NCAPD2: variants seen among roughly 807,000 people sequenced by gnomAD.
The protein encoded by NCAPD2 is non-SMC condensin I complex subunit D2, also known as condensin complex subunit 1.
NCAPD2 carries 100 observed loss-of-function variants against 164.5 expected under a neutral mutation model. That is an observed-to-expected ratio of 0.61 (90% CI 0.52 to 0.72). NCAPD2 has a LOEUF of 0.72. NCAPD2 is among the 30% of genes least tolerant of loss of function. The probability of loss-of-function intolerance (pLI) is 0.00; values close to 1 mark genes in which losing one functional copy is unlikely to be tolerated. For missense variants in NCAPD2, 1,560 were observed against 1,749.2 expected (o/e 0.89, Z 1.93); for synonymous variants, 585 against 642.6 (o/e 0.91, Z 1.36).
Position 6,521,757 on chromosome 12 carries a change from C to T in NCAPD2, c.1715-41C>T, listed in dbSNP as rs555237175. 1.5e-4 allele frequency: 239 copies of T among 1,601,712 alleles called. 4 individuals are homozygous for T. The South Asian group carries it at 2.5e-3, about 17-fold the overall frequency. On this transcript the variant is annotated intron_variant, in intron 14 of 31. Coordinates refer to ENST00000315579, the MANE Select transcript of NCAPD2 (RefSeq NM_014865.4). ...TGACAGCTGTTGGATTCCCCTGTAT[C>T]CCCTTGAACGAAACCATCCTGTACT...
rs117874169 is a variant in NCAPD2, at chr12:6,502,041, C to T, written c.127+6816C>T. Among the ~76,000 whole-genome samples the T allele has an allele frequency of 1.7e-3, 257 of 152,180 alleles. 3 individuals carry two copies. Among genetic ancestry groups the T allele is most frequent in the Admixed American group, 0.013 (197 of 15,262 alleles). ...AATGTATTTCTTTTAAGATGGGCAGCATTATGTGTGTCTATATTGAGTAGG... is the reference window on the plus strand; with the variant it reads ...AATGTATTTCTTTTAAGATGGGCAGTATTATGTGTGTCTATATTGAGTAGG... On this transcript the variant is annotated intron_variant, in intron 2 of 31. Transcript: ENST00000315579.
At position 6,526,149 on chromosome 12, in the gene NCAPD2, G is replaced by C. The variant is rs560070593; in HGVS notation, c.2430G>C (p.Arg810Ser). The C allele has an allele frequency of 4.4e-5, 71 of 1,614,182 alleles. No individual in the cohort carries two copies. In the South Asian group the frequency reaches 4.9e-4, roughly 11 times the overall value. Residue 810 changes from arginine to serine, a missense_variant, in exon 19 of 32, where the codon AGG becomes AGC. By Grantham distance (110) the Arg-to-Ser change is moderately radical. Coordinates refer to ENST00000315579, the MANE Select transcript of NCAPD2 (RefSeq NM_014865.4). Reference protein sequence around the residue: ...GLDEKFPQDYRLAQQVCHAIA... With the variant: ...GLDEKFPQDYSLAQQVCHAIA... ...ATGAGAAGTTTCCACAGGACTACAG[G>C]CTGGCCCAGCAGGTGTGCCATGCCA...
intron 2 of NCAPD2, among the ~76,000 whole-genome samples, chr12:6,500,728 G>A (rs1179100447): frequency 1.3e-5 from 2 of 152,274 alleles, no homozygotes; most frequent in South Asian, 2.1e-4. Context: ...CTAGAGCCTC[G>A]TAGATCATGG....
intron 5 of NCAPD2, 21 bp downstream of exon 5, chr12:6,510,831 C>T: frequency 6.2e-7 from 1 of 1,612,860 alleles, no homozygotes; most frequent in Non-Finnish European, 8.5e-7. Flanking sequence ...GTTTTGGGCT[C>T]ACGTTATATG....
rs748279493 is a variant in NCAPD2 at position 6,516,888 on chromosome 12, A to C, written c.1048A>C (p.Ser350Arg). 3.1e-6 allele frequency: 5 copies of C among 1,614,160 alleles called. No individual in the cohort carries two copies. Among genetic ancestry groups the C allele is most frequent in the Non-Finnish European group, 4.2e-6 (5 of 1,180,024 alleles). ...GGCGGAGATGGTGCTGCAGGTTCTC[A>C]GTGGCGATCAACTGGAAGCAGCAGC... is the stretch of plus-strand genomic sequence containing the variant. ...AMAEMVLQVLSGDQLEAAARD... is the reference protein window; with the variant it reads ...AMAEMVLQVLRGDQLEAAARD... The change falls in exon 10 of 32, where the codon AGT becomes CGT. Residue 350 changes from serine (S) to arginine (R), a missense_variant. Ser to Arg is a moderately radical substitution (Grantham distance 110, BLOSUM62 -1). Transcript: ENST00000315579.
chr12:6,513,226 G>C (rs1946167803), intron 6 of NCAPD2, among the ~76,000 whole-genome samples: 1 of 152,140 alleles, frequency 6.6e-6, no homozygotes, highest in South Asian at 2.1e-4. Flanking sequence ...CCAAGGACTG[G>C]TACCCTAGGG....
chr12:6,521,020 C>T lies in NCAPD2; in HGVS notation c.1624C>T (p.His542Tyr). ...AIILTREATG[H>Y]FQESEPFSHI... ...CATTCTCACTCGAGAAGCCACAGGC[C>T]ACTTCCAGGAGTCCGAACCCTTCAG... The change falls in exon 14 of 32, where the codon CAC becomes TAC. Residue 542 changes from histidine (H) to tyrosine (Y), a missense_variant. By Grantham distance (83) the His-to-Tyr change is moderately conservative (BLOSUM62 2). Coordinates refer to ENST00000315579, the MANE Select transcript of NCAPD2 (RefSeq NM_014865.4). The T allele has an allele frequency of 3.1e-6, 5 of 1,614,120 alleles. No homozygotes were observed. The highest frequency in any genetic ancestry group is 1.3e-5 in the African/African-American group (1 of 75,038).
rs763847471 is a variant in NCAPD2 at position 6,517,007 on chromosome 12, C to G, written c.1167C>G (p.Thr389=). Reference sequence around the variant, plus strand: ...GGAGCCGTGTTTTGCAGCTCTTCACCCGAATTGTCCAGCAGAAGGTAACCA... The same window carrying G: ...GGAGCCGTGTTTTGCAGCTCTTCACGCGAATTGTCCAGCAGAAGGTAACCA... ...FVRSRVLQLF[T]RIVQQKALPL... The change falls in exon 10 of 32, where the codon ACC becomes ACG. Residue 389 remains threonine (T), a synonymous_variant. Transcript: ENST00000315579. 6.2e-7 allele frequency: 1 copy of G among 1,614,040 alleles called. No individual in the cohort carries two copies. The highest frequency in any genetic ancestry group is 8.5e-7 in the Non-Finnish European group (1 of 1,179,998).
In NCAPD2 at chr12:6,522,900, G is replaced by A. The variant is rs1329315235; in HGVS notation, c.2027G>A (p.Arg676His). ...GTACCCCAGGCCCTGTTTGGGGTGCGCCGTATGCTGCCTCTCATCTGGTCT... is the reference window on the plus strand; with the variant it reads ...GTACCCCAGGCCCTGTTTGGGGTGCACCGTATGCTGCCTCTCATCTGGTCT... ...FGVPQALFGV[R>H]RMLPLIWSKE... The change falls in exon 16 of 32, where the codon CGC becomes CAC. Residue 676 changes from arginine (R) to histidine (H), a missense_variant. Physicochemically the swap from Arg to His is conservative, Grantham distance 29 (BLOSUM62 0). Coordinates refer to ENST00000315579, the MANE Select transcript of NCAPD2 (RefSeq NM_014865.4). 26 of 1,614,012 alleles carry A rather than the reference G, an allele frequency of 1.6e-5. No homozygotes were observed. Among genetic ancestry groups the A allele is most frequent in the Middle Eastern group, 1.6e-4 (1 of 6,084 alleles).
intron 2 of NCAPD2, among the ~76,000 whole-genome samples, chr12:6,503,900 C>T (rs1348914925): frequency 1.3e-5 from 2 of 151,744 alleles, no homozygotes; most frequent in Non-Finnish European, 1.5e-5. Context: ...ATTGCTTGAA[C>T]CCAGGAGGCA....
chr12:6,518,504 G>GTTTTTTTTTTTTTTTGTTTTTTTTTTTTT (rs1946227130), intron 13 of NCAPD2, among the ~76,000 whole-genome samples: 2 of 44,774 alleles, frequency 4.5e-5, no homozygotes, highest in African/African-American at 2.0e-4. Flanking sequence ...CCGTCAACAA[G>GTTTTTTTTTTTTTTTGTTTTTTTTTTTTT]TTTTTTTTTT....
At chr12:6,529,651 G>A (rs1378059589) in intron 28 of NCAPD2, 58 bp downstream of exon 28, 3 of 1,605,090 alleles carry the variant, frequency 1.9e-6, no homozygotes, top group East Asian at 2.2e-5. Flanking sequence ...GGGGAGAAAG[G>A]CCCATCCCTC....
In NCAPD2 at chr12:6,528,932, C is replaced by G. The variant is rs764616277; in HGVS notation, c.3478-13C>G. On this transcript the variant is annotated splice_polypyrimidine_tract_variant and intron_variant, in intron 26 of 31. Coordinates refer to ENST00000315579, the MANE Select transcript of NCAPD2 (RefSeq NM_014865.4). The surrounding 1 kb of genome is among the most constrained non-coding windows in gnomAD (Gnocchi z 5.1). ...CACCTCATCTCCTTAACATGGCTCT[C>G]TCTGTCTTACAGGGCAACGCAATCT... 8.7e-5 allele frequency: 141 copies of G among 1,613,948 alleles called. No homozygotes were observed. Among genetic ancestry groups the G allele is most frequent in the Non-Finnish European group, 1.1e-4 (126 of 1,179,934 alleles).
rs1204547935 is a variant in NCAPD2, at chr12:6,531,302, C to G, written c.4121-25C>G. On this transcript the variant is annotated intron_variant, in intron 31 of 31. Transcript: ENST00000315579. This position sits in a 1 kb window ranked among gnomAD's most constrained non-coding sequence, Gnocchi z 4.1. Reference sequence around the variant, plus strand: ...CACCATCTTTGTGACTCAGCTTTTTCTTATTCCTTTAATTCTTTGCATAGA... The same window carrying G: ...CACCATCTTTGTGACTCAGCTTTTTGTTATTCCTTTAATTCTTTGCATAGA... 2 of 1,605,476 alleles carry G rather than the reference C, an allele frequency of 1.2e-6. No homozygotes were observed. The highest frequency in any genetic ancestry group is 2.7e-5 in the African/African-American group (2 of 74,494).
Position 6,511,200 on chromosome 12 carries a change from T to G in NCAPD2, c.535T>G (p.Leu179Val). The G allele has an allele frequency of 1.9e-6, 3 of 1,614,248 alleles. No individual in the cohort carries two copies. Among genetic ancestry groups the G allele is most frequent in the East Asian group, 2.2e-5 (1 of 44,886 alleles). ...TCAGCTTTTAACACAGCTACTTCAG[T>G]TGGACATCCGTCACCTGTGGAACCA... ...ILQLLTQLLQ[L>V]DIRHLWNHSI... Residue 179 changes from leucine to valine, a missense_variant, in exon 6 of 32, where the codon TTG (leucine) becomes GTG (valine). Leu to Val is a conservative substitution (Grantham distance 32). Coordinates refer to ENST00000315579, the MANE Select transcript of NCAPD2 (RefSeq NM_014865.4).
chr12:6,511,168 C>G lies in NCAPD2; in HGVS notation c.503C>G (p.Pro168Arg). ...HGFDWEEERQPILQLLTQLLQ... is the reference protein window; with the variant it reads ...HGFDWEEERQRILQLLTQLLQ... Reference sequence around the variant, plus strand: ...TTTGACTGGGAAGAAGAGAGGCAACCAATTCTTCAGCTTTTAACACAGCTA... The same window carrying G: ...TTTGACTGGGAAGAAGAGAGGCAACGAATTCTTCAGCTTTTAACACAGCTA... Residue 168 changes from proline (P) to arginine (R), a missense_variant, in exon 6 of 32, where the codon CCA (proline) becomes CGA (arginine). Physicochemically the swap from Pro to Arg is moderately radical, Grantham distance 103. Transcript: ENST00000315579. The G allele has an allele frequency of 1.9e-6, 3 of 1,614,104 alleles. No individual in the cohort carries two copies. The highest frequency in any genetic ancestry group is 2.5e-6 in the Non-Finnish European group (3 of 1,180,016).
At chr12:6,524,001 C>T (rs1483655946) in intron 17 of NCAPD2, among the ~76,000 whole-genome samples, 1 of 152,184 alleles carries the variant, frequency 6.6e-6, no homozygotes, top group African/African-American at 2.4e-5. Flanking sequence ...TGTGAGGTAG[C>T]ATTATCTGCA....
intron 7 of NCAPD2, 29 bp from the exon 8 acceptor site, chr12:6,514,435 A>G (rs1473892339): frequency 1.2e-6 from 2 of 1,614,038 alleles, no homozygotes; most frequent in African/African-American, 1.3e-5. Context: ...TGTATTGCCC[A>G]TAATTTCTCA....
intron 2 of NCAPD2, 100 bp from the exon 3 acceptor site, chr12:6,509,617 C>T: frequency 1.2e-5 from 13 of 1,078,152 alleles, no homozygotes; most frequent in Admixed American, 9.4e-5. Context: ...TTTTGTGATT[C>T]TACCAATAAA....
Sources: allele counts gnomAD v4.1 joint callset (sites outside exome capture counted in the v4.1 genomes callset), GRCh38; gene constraint gnomAD v4.1.1; non-coding constraint Gnocchi (gnomAD v3.1); transcripts MANE v1.5; gene names NCBI Gene and HGNC (gene_info 2026-07-23, HGNC 2026-07-21).